DNAH5: variants seen among roughly 807,000 people sequenced by gnomAD.
The protein encoded by DNAH5 is axonemal beta dynein heavy chain 5.
A neutral mutation model predicts 518.2 loss-of-function variants in DNAH5; 372 were observed. The observed-to-expected ratio is 0.72, with a 90% CI of 0.66 to 0.78. The LOEUF (loss-of-function observed/expected upper bound fraction) is 0.78, where lower values mean the gene tolerates loss of function less well. Ranked by LOEUF, DNAH5 falls within the 30% of genes least tolerant of loss-of-function variation. The probability of loss-of-function intolerance (pLI) is 0.00; values close to 1 mark genes in which losing one functional copy is unlikely to be tolerated. For missense variants in DNAH5, 5,523 were observed against 5,687.0 expected, an observed-to-expected ratio of 0.97 and a Z score of 0.93; for synonymous variants, 2,039 against 2,025.9, an observed-to-expected ratio of 1.01 and a Z score of -0.17.
chr5:13,773,266 G>A (rs939526522), intron 55 of DNAH5, among the ~76,000 whole-genome samples: 1 of 152,138 alleles, frequency 6.6e-6, no homozygotes, highest in Admixed American at 6.5e-5. Flanking sequence ...TAAAGCATAA[G>A]TGTTATAGAT....
At chr5:13,792,773 C>A (rs1271516540) in intron 49 of DNAH5, among the ~76,000 whole-genome samples, 1 of 152,202 alleles carries the variant, frequency 6.6e-6, no homozygotes, top group Non-Finnish European at 1.5e-5. Flanking sequence ...TACTGCCATA[C>A]TTCACTAGCC....
chr5:13,896,451 G>A (rs1773925066), intron 15 of DNAH5: 1 of 152,112 alleles, frequency 6.6e-6, no homozygotes. Flanking sequence ...CTGACTACCT[G>A]TTTAAGATTA....
chr5:13,930,921 T>C (rs1179454939), intron 2 of DNAH5, among the ~76,000 whole-genome samples, 189 bp downstream of exon 2: 1 of 152,186 alleles, frequency 6.6e-6, no homozygotes, highest in Admixed American at 6.5e-5. Context: ...AGTGCCCCTA[T>C]TCAACATGGA....
intron 35 of DNAH5, among the ~76,000 whole-genome samples, chr5:13,832,075 T>C (rs1328035927): frequency 3.3e-5 from 5 of 151,978 alleles, no homozygotes; most frequent in African/African-American, 4.8e-5. Context: ...AAATAATCTA[T>C]ATAACAAACC....
chr5:13,997,981 C>T (rs1581143107), intron 1 of DNAH5, among the ~76,000 whole-genome samples: 1 of 151,894 alleles, frequency 6.6e-6, no homozygotes, highest in African/African-American at 2.4e-5. Context: ...GTAGCTGGGA[C>T]TACAGGCATG....
intron 43 of DNAH5, among the ~76,000 whole-genome samples, chr5:13,813,299 A>C (rs1760960703): frequency 6.6e-6 from 1 of 152,228 alleles, no homozygotes; most frequent in South Asian, 2.1e-4. Context: ...TGCATTAGCT[A>C]GTACTCCTTA....
chr5:13,763,957 G>A (rs190476891), intron 59 of DNAH5, among the ~76,000 whole-genome samples: 55 of 152,292 alleles, frequency 3.6e-4, no homozygotes, highest in Admixed American at 2.0e-4. Context: ...GGACAAGTCT[G>A]TTTGGCCCAC....
intron 77 of DNAH5, among the ~76,000 whole-genome samples, 160 bp from the exon 78 acceptor site, chr5:13,701,031 C>T (rs969295386): frequency 6.6e-6 from 1 of 152,092 alleles, no homozygotes; most frequent in South Asian, 2.1e-4. Flanking sequence ...AAACCACATC[C>T]TAATTGAGCT....
At chr5:13,973,734 A>G (rs928516381) in intron 1 of DNAH5, among the ~76,000 whole-genome samples, 1 of 150,774 alleles carries the variant, frequency 6.6e-6, no homozygotes, top group Non-Finnish European at 1.5e-5. Context: ...AAAAAAAAAA[A>G]AAACAAAAAA....
chr5:13,921,756 C>CCT (rs562419104), intron 5 of DNAH5, among the ~76,000 whole-genome samples: 2 of 145,156 alleles, frequency 1.4e-5, no homozygotes, highest in Admixed American at 6.9e-5. Flanking sequence ...ACACACCCCC[C>CCT]CACACACACA....
intron 54 of DNAH5, 62 bp from the exon 55 acceptor site, chr5:13,776,768 G>A (rs890173246): frequency 6.4e-7 from 1 of 1,561,242 alleles, no homozygotes; most frequent in Non-Finnish European, 8.8e-7. Flanking sequence ...TCAAAATGTA[G>A]AGCTTAATAC....
At chr5:13,927,275 C>T (rs1464031706) in intron 3 of DNAH5, among the ~76,000 whole-genome samples, 2 of 152,132 alleles carry the variant, frequency 1.3e-5, no homozygotes, top group African/African-American at 4.8e-5. Flanking sequence ...GGGTGGATCA[C>T]AAGGTCGAGA....
chr5:13,701,196 T>G lies in DNAH5; in HGVS notation c.13491+88A>C, dbSNP rs113861343. 1.0e-5 allele frequency: 16 copies of G among 1,555,286 alleles called. No homozygotes were observed. In the African/African-American group the frequency reaches 1.2e-4, roughly 12 times the overall value. On this transcript the variant is annotated intron_variant, in intron 77 of 78. Transcript: ENST00000265104. ...ACCAAAAAGAGACAGTCATTCTCTGTCTTATTATAGTCTTTAAAACTATAA... is the reference window on the plus strand; with the variant it reads ...ACCAAAAAGAGACAGTCATTCTCTGGCTTATTATAGTCTTTAAAACTATAA...
rs12652241 is a variant in DNAH5, at chr5:13,914,084, T to A, written c.1321-126A>T. On this transcript the variant is annotated intron_variant, in intron 10 of 78. Transcript: ENST00000265104. ...CCTTTTCATAGTTTCATGCCTTTGCTTGTACTCACTCATCAGCCTGGAAAA... is the reference window on the plus strand; with the variant it reads ...CCTTTTCATAGTTTCATGCCTTTGCATGTACTCACTCATCAGCCTGGAAAA... 0.39 allele frequency: 455,116 copies of A among 1,167,690 alleles called. 93,659 individuals are homozygous for A. The highest frequency in any genetic ancestry group is 0.84 in the East Asian group (32,550 of 38,856). The allele number at this position is 1,167,690 out of a possible 1,614,324, so 72.3% of individuals were successfully genotyped here.
intron 32 of DNAH5, among the ~76,000 whole-genome samples, chr5:13,843,240 T>C (rs1765523970): frequency 6.6e-6 from 1 of 152,176 alleles, no homozygotes; most frequent in Non-Finnish European, 1.5e-5. Flanking sequence ...CTTACATTGA[T>C]TTCCTTGCCC....
intron 74 of DNAH5, among the ~76,000 whole-genome samples, chr5:13,716,088 G>T (rs1744245445): frequency 6.6e-6 from 1 of 152,186 alleles, no homozygotes; most frequent in Non-Finnish European, 1.5e-5. Context: ...TTTGTCAAAT[G>T]GATTGGAAAA....
chr5:13,919,046 T>C, intron 7 of DNAH5, 130 bp downstream of exon 7: 11 of 1,138,312 alleles, frequency 9.7e-6, no homozygotes, highest in Non-Finnish European at 1.3e-5. Flanking sequence ...GAGGGAAGTA[T>C]TATGTAATTT....
intron 21 of DNAH5, among the ~76,000 whole-genome samples, chr5:13,881,499 GA>G (rs981963782): frequency 1.3e-5 from 2 of 151,596 alleles, no homozygotes; most frequent in African/African-American, 2.4e-5. Flanking sequence ...TAGAAATCAG[GA>G]AAAAAATCAA....
intron 1 of DNAH5, among the ~76,000 whole-genome samples, chr5:13,952,750 A>G (rs1780511553): frequency 1.3e-5 from 2 of 152,236 alleles, no homozygotes; most frequent in East Asian, 1.9e-4. Flanking sequence ...CAAGGAGGAC[A>G]AAAATAACCC....
Sources: allele counts gnomAD v4.1 joint callset (sites outside exome capture counted in the v4.1 genomes callset), GRCh38; gene constraint gnomAD v4.1.1; transcripts MANE v1.5; gene names NCBI Gene and HGNC (gene_info 2026-07-23, HGNC 2026-07-21).